Variants in SETD2 observed in about 807,000 individuals in gnomAD.
The protein encoded by SETD2 is SET domain containing 2, histone lysine methyltransferase, also known as histone-lysine N-methyltransferase SETD2.
In SETD2, 31 loss-of-function variants were observed where a neutral mutation model predicts 242.1. The observed-to-expected ratio is 0.13, with a 90% CI of 0.10 to 0.17. The LOEUF (loss-of-function observed/expected upper bound fraction) is 0.17, where lower values mean the gene tolerates loss of function less well. Among genes scored for constraint, SETD2 ranks in the 10% least tolerant of loss-of-function variants. SETD2 has a pLI of 1.00. For synonymous variants in SETD2, 1,006 were observed against 1,066.5 expected, an observed-to-expected ratio of 0.94 and a Z score of 1.11; for missense variants, 2,481 against 3,046.3, an observed-to-expected ratio of 0.81 and a Z score of 4.37.
At position 47,120,535 on chromosome 3, in the gene SETD2, C is replaced by T. The variant is rs2043031622; in HGVS notation, c.4101G>A (p.Val1367=). 1 of 1,614,034 alleles carries T rather than the reference C, an allele frequency of 6.2e-7. No homozygotes were observed. The change falls in exon 3 of 21, where the codon GTG becomes GTA. Residue 1367 remains valine, a synonymous_variant. Coordinates refer to ENST00000409792, the MANE Select transcript of SETD2 (RefSeq NM_014159.7). The part of the protein sequence containing the change: ...LLSLQKDKGS[V]QAPEISSNSI... ...AATTGCTGCTTATTTCAGGTGCTTGCACTGACCCCTTGTCTTTCTGAAGGG... is the reference window on the plus strand; with the variant it reads ...AATTGCTGCTTATTTCAGGTGCTTGTACTGACCCCTTGTCTTTCTGAAGGG...
Position 47,079,186 on chromosome 3 carries a change from A to G in SETD2, c.6060+4534T>C, listed in dbSNP as rs532355303. Among the ~76,000 whole-genome samples, 6 of 152,310 alleles carry G rather than the reference A, an allele frequency of 3.9e-5. No individual in the cohort carries two copies. The South Asian group carries it at 8.3e-4, about 21-fold the overall frequency. ...TTTTCATTGAGCCTGAAATTATATC[A>G]TAATTAAAAGTTTAAAGTATTAAGA... On this transcript the variant is annotated intron_variant, in intron 12 of 20. Coordinates refer to ENST00000409792, the MANE Select transcript of SETD2 (RefSeq NM_014159.7).
chr3:47,091,033 C>T (rs1158038235), intron 9 of SETD2, among the ~76,000 whole-genome samples: 2 of 152,154 alleles, frequency 1.3e-5, no homozygotes, highest in African/African-American at 2.4e-5. Context: ...AACTCAAACC[C>T]ATTTTTCTTT....
intron 9 of SETD2, among the ~76,000 whole-genome samples, chr3:47,090,842 A>G (rs2041775302): frequency 1.3e-5 from 2 of 152,256 alleles, no homozygotes; most frequent in Admixed American, 6.5e-5. Context: ...CTAAAAGGAA[A>G]GAATCTTAAG....
intron 1 of SETD2, among the ~76,000 whole-genome samples, chr3:47,151,343 A>G (rs905739364): frequency 1.3e-5 from 2 of 152,172 alleles, no homozygotes; most frequent in Non-Finnish European, 2.9e-5. Flanking sequence ...ATATAAAAAC[A>G]TATCTTTTAA....
chr3:47,134,134 G>A (rs2043541401), intron 1 of SETD2, among the ~76,000 whole-genome samples: 1 of 152,078 alleles, frequency 6.6e-6, no homozygotes, highest in South Asian at 2.1e-4. Context: ...AGGAAACCAG[G>A]AATTTCATTG....
chr3:47,110,576 A>G (rs970489395), intron 5 of SETD2, among the ~76,000 whole-genome samples: 2 of 152,156 alleles, frequency 1.3e-5, no homozygotes, highest in African/African-American at 4.8e-5. Context: ...TGGCACTTTA[A>G]CACTAACTAG....
At position 47,123,915 on chromosome 3, in the gene SETD2, G is replaced by C. The variant is rs1172245080; in HGVS notation, c.721C>G (p.Pro241Ala). The C allele has an allele frequency of 2.6e-6, 4 of 1,551,844 alleles. No homozygotes were observed. The East Asian group carries it at 9.8e-5, about 38-fold the overall frequency. The change falls in exon 3 of 21, where the codon CCA (proline) becomes GCA (alanine). Residue 241 changes from proline (P) to alanine (A), a missense_variant. Pro to Ala is a conservative substitution (Grantham distance 27). Around this residue, in one of 17 missense-constraint regions of SETD2, gnomAD observed 334 missense variants for 374.5 expected, o/e 0.89. Coordinates refer to ENST00000409792, the MANE Select transcript of SETD2 (RefSeq NM_014159.7). ...VDVAVRSLKE[P>A]PIIIVPESLE... ...GATTCTGGTACAATTATAATTGGTG[G>C]TTCTTTCAGAGATCTAACTGCTACA... is the stretch of plus-strand genomic sequence containing the variant.
chr3:47,151,653 C>T (rs376931095), intron 1 of SETD2, among the ~76,000 whole-genome samples: 1 of 152,106 alleles, frequency 6.6e-6, no homozygotes, highest in East Asian at 1.9e-4. Context: ...CATAGTGAAA[C>T]TCCATCTCTG....
intron 18 of SETD2, among the ~76,000 whole-genome samples, chr3:47,030,445 A>G (rs918886453): frequency 4.6e-5 from 7 of 152,196 alleles, no homozygotes; most frequent in Admixed American, 2.0e-4. Context: ...TCTGTGAGAC[A>G]GTATCAAGCG....
At chr3:47,081,806 C>T (rs2041329205) in intron 12 of SETD2, among the ~76,000 whole-genome samples, 1 of 152,060 alleles carries the variant, frequency 6.6e-6, no homozygotes, top group South Asian at 2.1e-4. Flanking sequence ...CTCAGTAATA[C>T]AATTCTAGAT....
At chr3:47,142,775 C>G (rs1409971313) in intron 1 of SETD2, among the ~76,000 whole-genome samples, 1 of 151,270 alleles carries the variant, frequency 6.6e-6, no homozygotes, top group Non-Finnish European at 1.5e-5. Context: ...TCAAGCAATT[C>G]TCCTGCCTCA....
intron 1 of SETD2, among the ~76,000 whole-genome samples, chr3:47,134,238 G>A (rs1304252410): frequency 1.3e-5 from 2 of 152,180 alleles, no homozygotes; most frequent in African/African-American, 2.4e-5. Context: ...ACAGGTGGAA[G>A]CCTCTGTTGT....
rs115774659 is a variant in SETD2, at chr3:47,078,286, A to G, written c.6060+5434T>C. ...AATGCTAGTAATGGGACAATTCAGT[A>G]CCATGAGAAGAACACTACTGTAATA... On this transcript the variant is annotated intron_variant, in intron 12 of 20. Coordinates refer to ENST00000409792, the MANE Select transcript of SETD2 (RefSeq NM_014159.7). Among the ~76,000 whole-genome samples the G allele has an allele frequency of 5.1e-3, 777 of 152,318 alleles. 1 individual carries two copies. Among genetic ancestry groups the G allele is most frequent in the African/African-American group, 0.012 (494 of 41,578 alleles).
At chr3:47,154,975 C>T (rs1025484468) in intron 1 of SETD2, among the ~76,000 whole-genome samples, 8 of 150,540 alleles carry the variant, frequency 5.3e-5, no homozygotes, top group Non-Finnish European at 1.2e-4. Context: ...GCCTGGGCGA[C>T]AGAGCAAGAC....
chr3:47,153,452 G>A (rs940950538), intron 1 of SETD2, among the ~76,000 whole-genome samples: 62 of 152,266 alleles, frequency 4.1e-4, no homozygotes, highest in African/African-American at 1.5e-3. Flanking sequence ...ATTTTCAAGA[G>A]ACTCCCCACT....
chr3:47,155,377 T>C (rs934134886), intron 1 of SETD2, among the ~76,000 whole-genome samples: 3 of 152,122 alleles, frequency 2.0e-5, no homozygotes, highest in African/African-American at 4.8e-5. Context: ...CAAAAGTAAA[T>C]AAAACTTTTT....
At chr3:47,058,085 C>T (rs1182253371) in intron 14 of SETD2, among the ~76,000 whole-genome samples, 5 of 151,990 alleles carry the variant, frequency 3.3e-5, no homozygotes, top group Admixed American at 2.6e-4. Context: ...AAAATTAGAC[C>T]AAGTCTCACA....
At position 47,017,793 on chromosome 3, in the gene SETD2, G is replaced by T; in HGVS notation, c.7432-54C>A. On this transcript the variant is annotated intron_variant, in intron 19 of 20. Coordinates refer to ENST00000409792, the MANE Select transcript of SETD2 (RefSeq NM_014159.7). The surrounding 1 kb of genome is among the most constrained non-coding windows in gnomAD (Gnocchi z 4.8). ...CTCAACAGTCCAGAGAGGGCAAGGA[G>T]TTGTACTGAGGAAATAACTAGAAAA... is the stretch of plus-strand genomic sequence containing the variant. The T allele has an allele frequency of 8.3e-7, 1 of 1,208,550 alleles. No homozygotes were observed. The highest frequency in any genetic ancestry group is 1.2e-6 in the Non-Finnish European group (1 of 810,614). 74.9% of individuals were successfully genotyped at this position (1,208,550 alleles called of 1,614,324 possible).
Position 47,057,326 on chromosome 3 carries a change from T to A in SETD2, c.6458A>T (p.Asp2153Val), listed in dbSNP as rs1257298139. ...ATGCGGGGCATTATAACCAAGAGAGTCATAGGGCAGTGGTGATGTCATTCC... is the reference window on the plus strand; with the variant it reads ...ATGCGGGGCATTATAACCAAGAGAGACATAGGGCAGTGGTGATGTCATTCC... ...NLGMTSPLPYDSLGYNAPHHP... is the reference protein window; with the variant it reads ...NLGMTSPLPYVSLGYNAPHHP... The change falls in exon 15 of 21, where the codon GAC (aspartate) becomes GTC (valine). Residue 2153 changes from aspartate (D) to valine (V), a missense_variant. This residue lies in a region of SETD2 where 45 missense variants were observed against 62.8 expected (regional missense o/e 0.72). Transcript: ENST00000409792. The A allele has an allele frequency of 1.9e-6, 3 of 1,613,792 alleles. No individual in the cohort carries two copies. Among genetic ancestry groups the A allele is most frequent in the Non-Finnish European group, 2.5e-6 (3 of 1,179,982 alleles).
Sources: gnomAD v4.1 joint callset for allele counts (sites outside exome capture counted in the v4.1 genomes callset) on GRCh38, gnomAD v4.1.1 for gene constraint, gnomAD v4.1.1 regional missense constraint, Gnocchi (gnomAD v3.1) non-coding constraint, MANE v1.5 for transcripts, NCBI Gene and HGNC (gene_info 2026-07-23, HGNC 2026-07-21) for gene names.